The following PCSK4 variants were observed in gnomAD, a reference collection of about 807,000 sequenced individuals.
PCSK4 encodes testicular tissue protein Li 135.
PCSK4 carries 64 observed loss-of-function variants against 80.3 expected under a neutral mutation model. The ratio of observed to expected loss-of-function variants is 0.80; its 90% CI spans 0.65 to 0.98. The LOEUF (loss-of-function observed/expected upper bound fraction) is 0.98, where lower values mean the gene tolerates loss of function less well. Ranked by LOEUF, PCSK4 falls within the 50% of genes least tolerant of loss-of-function variation. The pLI is 0.00. For missense variants in PCSK4, 1,213 were observed against 1,093.6 expected (o/e 1.11, Z -1.54); for synonymous variants, 561 against 487.6 (o/e 1.15, Z -1.98).
At position 1,482,639 on chromosome 19, in the gene PCSK4, G is replaced by A. The variant is rs572325013; in HGVS notation, c.1697-164C>T. The A allele has an allele frequency of 3.3e-5, 30 of 909,380 alleles. 1 individual carries two copies. The East Asian group carries it at 5.1e-4, about 15-fold the overall frequency. 56.3% of individuals were successfully genotyped at this position (909,380 alleles called of 1,614,324 possible). A position where few individuals can be genotyped will look rare whatever the true frequency, so the allele number is the denominator to read the frequency against. On this transcript the variant is annotated intron_variant, in intron 13 of 14. Coordinates refer to ENST00000300954, the Ensembl canonical transcript of PCSK4. ...TACTGTGCGCCTGTCACTGGACACC[G>A]ACATCTCCCGGGTGACTGCACACCT... is the stretch of plus-strand genomic sequence containing the variant.
chr19:1,482,769 G>T, intron 13 of PCSK4, 127 bp downstream of exon 13: 2 of 1,018,084 alleles, frequency 2.0e-6, no homozygotes, highest in Admixed American at 2.1e-5. Flanking sequence ...CCTACTGTGT[G>T]CATGTTCTCT....
At chr19:1,487,011 G>A (rs201292810) in exon 8 of PCSK4, 6 of 1,609,028 alleles carry the variant, frequency 3.7e-6, no homozygotes, top group South Asian at 2.2e-5. Context: ...TTGTCGTAGT[G>A]CAGGCCGCCG....
rs142251885 is a variant in PCSK4 at position 1,482,477 on chromosome 19, T to C, written c.1697-2A>G. On this transcript the variant is annotated splice_acceptor_variant, in intron 13 of 14. Transcript: ENST00000300954. LOFTEE classifies it high-confidence loss of function. ...GCAGCGTGTAGCGGTACAACGTCCC[T>C]GGACAGGGGTCGCGGGTGGGCACAG... is the stretch of plus-strand genomic sequence containing the variant. 1 of 1,600,202 alleles carries C rather than the reference T, an allele frequency of 6.2e-7. No homozygotes were observed. Among genetic ancestry groups the C allele is most frequent in the African/African-American group, 1.3e-5 (1 of 74,940 alleles).
chr19:1,488,920 G>A (rs1204774508), intron 2 of PCSK4, among the ~76,000 whole-genome samples: 1 of 152,132 alleles, frequency 6.6e-6, no homozygotes, highest in Non-Finnish European at 1.5e-5. Flanking sequence ...ACTGGCCACT[G>A]CTCTCCCTCC....
upstream of PCSK4, chr19:1,490,843 C>A (rs1482436591): frequency 5.4e-5 from 10 of 185,604 alleles, no homozygotes; most frequent in Admixed American, 1.2e-4. Flanking sequence ...GAATCGCGTC[C>A]CGTTTCTCCA....
At chr19:1,483,195 T>TGGCCCC in intron 12 of PCSK4, 89 bp downstream of exon 12, 1 of 1,355,794 alleles carries the variant, frequency 7.4e-7, no homozygotes, top group Non-Finnish European at 9.9e-7. Flanking sequence ...CCTATGGGCC[T>TGGCCCC]GGCCCCTCCC....
chr19:1,482,175 G>T (rs2084328084), exon 15 of PCSK4: 5 of 1,555,476 alleles, frequency 3.2e-6, no homozygotes, highest in Non-Finnish European at 4.3e-6. Flanking sequence ...GCCAGGCAGA[G>T]CTGTCCCAGG....
intron 2 of PCSK4, among the ~76,000 whole-genome samples, chr19:1,489,425 C>A (rs943365206): frequency 6.6e-6 from 1 of 152,234 alleles, no homozygotes; most frequent in Non-Finnish European, 1.5e-5. Flanking sequence ...TGAGCCACCG[C>A]GCCGGGCCAA....
At chr19:1,484,394 G>A (rs2084493639) in intron 8 of PCSK4, among the ~76,000 whole-genome samples, 1 of 151,894 alleles carries the variant, frequency 6.6e-6, no homozygotes, top group Non-Finnish European at 1.5e-5. Flanking sequence ...GGCTGACACA[G>A]GAGAATCACT....
At chr19:1,483,553 G>C (rs1393374885) in intron 11 of PCSK4, 90 bp from the exon 12 acceptor site, 1 of 1,409,472 alleles carries the variant, frequency 7.1e-7, no homozygotes, top group African/African-American at 1.4e-5. Context: ...AGAGGTCACG[G>C]GGTCCAGCCC....
chr19:1,485,763 C>G (rs1438679733), intron 8 of PCSK4, among the ~76,000 whole-genome samples: 3 of 151,734 alleles, frequency 2.0e-5, no homozygotes, highest in African/African-American at 4.8e-5. Flanking sequence ...CCCAGCTACT[C>G]AGGAGGCTGA....
In PCSK4 at chr19:1,482,633, GAC is replaced by G. The variant is rs2084359149; in HGVS notation, c.1697-160_1697-159del. ...CACACCTACTGTGCGCCTGTCACTGGACACCGACATCTCCCGGGTGACTGCAC... is the reference window on the plus strand; with the variant it reads ...CACACCTACTGTGCGCCTGTCACTGGACCGACATCTCCCGGGTGACTGCAC... On this transcript the variant is annotated intron_variant, in intron 13 of 14. Transcript: ENST00000300954. 6.4e-6 allele frequency: 6 copies of G among 943,910 alleles called. No individual in the cohort carries two copies. In the South Asian group the frequency reaches 1.0e-4, roughly 16 times the overall value. The allele number at this position is 943,910 out of a possible 1,614,324, so 58.5% of individuals were successfully genotyped here. A position where few individuals can be genotyped will look rare whatever the true frequency, so the allele number is the denominator to read the frequency against.
chr19:1,485,755 C>T (rs982386479), intron 8 of PCSK4, among the ~76,000 whole-genome samples: 1 of 151,864 alleles, frequency 6.6e-6, no homozygotes, highest in Non-Finnish European at 1.5e-5. Flanking sequence ...CCTGTAGTCC[C>T]AGCTACTCAG....
At chr19:1,483,610 C>A in intron 11 of PCSK4, 40 bp downstream of exon 11, 7 of 1,500,282 alleles carry the variant, frequency 4.7e-6, no homozygotes, top group Non-Finnish European at 5.4e-6. Flanking sequence ...GTCCCCCACA[C>A]CCCCAGCGGG....
At chr19:1,482,064 A>G in exon 15 of PCSK4, 1 of 1,555,316 alleles carries the variant, frequency 6.4e-7, no homozygotes, top group Non-Finnish European at 8.7e-7. Context: ...GTGTAGCAGG[A>G]GGCATGGCAG....
chr19:1,489,684 G>C, intron 2 of PCSK4, 109 bp downstream of exon 2: 1 of 1,493,288 alleles, frequency 6.7e-7, no homozygotes, highest in South Asian at 1.3e-5. Flanking sequence ...CTGAGCCACA[G>C]AAAGCACACA....
chr19:1,488,304 G>T (rs914281479), intron 2 of PCSK4, 24 bp from the exon 3 acceptor site: 3 of 1,592,352 alleles, frequency 1.9e-6, no homozygotes, highest in Non-Finnish European at 2.6e-6. Context: ...GGTGCATCAG[G>T]CCTGTCCCCT....
At chr19:1,484,412 G>A (rs188243025) in intron 8 of PCSK4, among the ~76,000 whole-genome samples, 131 of 151,896 alleles carry the variant, frequency 8.6e-4, no homozygotes, top group Non-Finnish European at 1.7e-3. Context: ...ACTTGAACCC[G>A]ACAGGCAGAG....
chr19:1,483,409 G>A, exon 12 of PCSK4: 8 of 1,602,772 alleles, frequency 5.0e-6, no homozygotes, highest in Non-Finnish European at 6.8e-6. Context: ...TGGAGTTGTG[G>A]AGGCCGGCGC....
Sources: allele counts gnomAD v4.1 joint callset (sites outside exome capture counted in the v4.1 genomes callset), GRCh38; gene constraint gnomAD v4.1.1; transcripts MANE v1.5; gene names NCBI Gene and HGNC (gene_info 2026-07-23, HGNC 2026-07-21).